The following TRHDE variants were observed in gnomAD, a reference collection of about 807,000 sequenced individuals.
The protein encoded by TRHDE is thyrotropin-releasing hormone-degrading ectoenzyme.
TRHDE carries 72 observed loss-of-function variants against 125.7 expected under a neutral mutation model. The observed-to-expected ratio is 0.57, with a 90% CI of 0.47 to 0.70. TRHDE has a LOEUF of 0.70. Ranked by LOEUF, TRHDE falls within the 30% of genes least tolerant of loss-of-function variation. The pLI is 0.00. For synonymous variants in TRHDE, 509 were observed against 509.1 expected (o/e 1.00, Z 0.00); for missense variants, 1,110 against 1,327.1 (o/e 0.84, Z 2.54).
At chr12:72,330,330 T>TTA in intron 2 of TRHDE, among the ~76,000 whole-genome samples, 1 of 137,488 alleles carries the variant, frequency 7.3e-6, no homozygotes, top group South Asian at 2.3e-4. Flanking sequence ...CAAAGAAAAG[T>TTA]AAAAAAAAAA....
intron 2 of TRHDE, among the ~76,000 whole-genome samples, chr12:72,179,970 T>G (rs1162453064): frequency 2.0e-5 from 3 of 152,022 alleles, no homozygotes; most frequent in Non-Finnish European, 4.4e-5. Flanking sequence ...GTGCTATCCA[T>G]GTAGCACATG....
chr12:72,595,398 A>G (rs1871894896), intron 12 of TRHDE, among the ~76,000 whole-genome samples: 1 of 152,094 alleles, frequency 6.6e-6, no homozygotes, highest in Admixed American at 6.5e-5. Flanking sequence ...GAATGATTGT[A>G]AATACGTTTA....
intron 3 of TRHDE, among the ~76,000 whole-genome samples, chr12:72,398,492 T>A (rs763469971): frequency 5.9e-5 from 9 of 152,214 alleles, no homozygotes; most frequent in Non-Finnish European, 1.3e-4. Context: ...TTTATTCAAT[T>A]GAAAGTTTCA....
intron 2 of TRHDE, among the ~76,000 whole-genome samples, chr12:72,151,778 A>G (rs1342469052): frequency 6.6e-6 from 1 of 152,168 alleles, no homozygotes; most frequent in African/African-American, 2.4e-5. Context: ...TACCAGTACC[A>G]TGCTGTTTTG....
intron 5 of TRHDE, among the ~76,000 whole-genome samples, chr12:72,474,899 T>G (rs1876820051): frequency 6.6e-6 from 1 of 152,180 alleles, no homozygotes; most frequent in Non-Finnish European, 1.5e-5. Flanking sequence ...AATGTGAAGA[T>G]AGTAATACCA....
Position 72,289,382 on chromosome 12 carries a change from T to TA in TRHDE, c.1188+2437dup, listed in dbSNP as rs935615702. ...CACTATTCTAAGTAATTAGAAAGATTAAAAAAAAATCTAAAATCCTTCTGG... is the reference window on the plus strand; with the variant it reads ...CACTATTCTAAGTAATTAGAAAGATTAAAAAAAAAATCTAAAATCCTTCTGG... On this transcript the variant is annotated intron_variant, in intron 2 of 18. Transcript: ENST00000261180. Among the ~76,000 whole-genome samples, 12 of 151,810 alleles carry TA rather than the reference T, an allele frequency of 7.9e-5. 1 individual carries two copies. Among genetic ancestry groups the TA allele is most frequent in the South Asian group, 6.3e-4 (3 of 4,800 alleles).
chr12:72,616,981 A>T (rs1872841488), intron 12 of TRHDE, among the ~76,000 whole-genome samples: 2 of 152,140 alleles, frequency 1.3e-5, no homozygotes, highest in Admixed American at 1.3e-4. Flanking sequence ...TTTAATAAAA[A>T]ATTGTATTAC....
At chr12:72,239,092 CGAGA>C (rs1422422487) in intron 2 of TRHDE, among the ~76,000 whole-genome samples, 1 of 152,054 alleles carries the variant, frequency 6.6e-6, no homozygotes, top group Admixed American at 6.6e-5. Flanking sequence ...TTCTAACTGG[CGAGA>C]GATGGTATCT....
Position 72,273,546 on chromosome 12 carries a change from C to T in TRHDE, c.903C>T (p.His301=). 1 of 1,597,214 alleles carries T rather than the reference C, an allele frequency of 6.3e-7. No individual in the cohort carries two copies. Among genetic ancestry groups the T allele is most frequent in the Non-Finnish European group, 8.5e-7 (1 of 1,176,372 alleles). ...LGFFRSSYVL[H]GERRFLGVTQ... ...TCTTCCGCAGCTCCTATGTGCTCCACGGGGAGAGAAGGTATGGAGGGAGGC... is the reference window on the plus strand; with the variant it reads ...TCTTCCGCAGCTCCTATGTGCTCCATGGGGAGAGAAGGTATGGAGGGAGGC... Residue 301 remains histidine, a synonymous_variant, in exon 1 of 19, where the codon CAC becomes CAT. Coordinates refer to ENST00000261180, the MANE Select transcript of TRHDE (RefSeq NM_013381.3). This position sits in a 1 kb window ranked among gnomAD's most constrained non-coding sequence, Gnocchi z 5.3.
intron 2 of TRHDE, among the ~76,000 whole-genome samples, chr12:72,374,292 AGTGTGTGTGTGTGTGTGT>A (rs148577049): frequency 5.2e-5 from 7 of 134,018 alleles, no homozygotes; most frequent in Non-Finnish European, 9.5e-5. Context: ...TAGAAGGAGA[AGTGTGTGTGTGTGTGTGT>A]GTGTGTGTGT....
At chr12:72,415,469 C>A (rs1873692285) in intron 3 of TRHDE, among the ~76,000 whole-genome samples, 1 of 151,912 alleles carries the variant, frequency 6.6e-6, no homozygotes, top group Admixed American at 6.6e-5. Context: ...AACACTAGAT[C>A]TTATACCTTC....
chr12:72,599,690 C>T (rs1228015147), intron 12 of TRHDE, among the ~76,000 whole-genome samples: 3 of 152,042 alleles, frequency 2.0e-5, no homozygotes, highest in Non-Finnish European at 2.9e-5. Context: ...TTGATAATCT[C>T]TTTTGCTGTG....
intron 17 of TRHDE, among the ~76,000 whole-genome samples, chr12:72,654,336 G>A (rs969305591): frequency 2.0e-5 from 3 of 152,052 alleles, no homozygotes; most frequent in Admixed American, 2.0e-4. Context: ...CTAAAAATAC[G>A]ATGGTGTTTA....
chr12:72,474,445 A>G (rs1339708897), intron 5 of TRHDE, among the ~76,000 whole-genome samples: 1 of 151,992 alleles, frequency 6.6e-6, no homozygotes, highest in Non-Finnish European at 1.5e-5. Context: ...TCCTCCCCCA[A>G]GCCTCTGGCA....
At chr12:72,605,296 T>A (rs1465235165) in intron 12 of TRHDE, among the ~76,000 whole-genome samples, 2 of 152,156 alleles carry the variant, frequency 1.3e-5, no homozygotes, top group Admixed American at 6.5e-5. Context: ...ATTCTGAAAC[T>A]CTTTGTAGGT....
At chr12:72,281,347 A>G (rs1419604306) in intron 1 of TRHDE, among the ~76,000 whole-genome samples, 1 of 152,162 alleles carries the variant, frequency 6.6e-6, no homozygotes, top group African/African-American at 2.4e-5. Flanking sequence ...TCGAGTAACA[A>G]TTTGCATTTT....
At chr12:72,246,216 A>G (rs1286588429) in intron 2 of TRHDE, among the ~76,000 whole-genome samples, 1 of 151,278 alleles carries the variant, frequency 6.6e-6, no homozygotes, top group Non-Finnish European at 1.5e-5. Flanking sequence ...AACAATGAAA[A>G]AAAATTTCCC....
intron 2 of TRHDE, among the ~76,000 whole-genome samples, chr12:72,262,382 T>A (rs899134660): frequency 6.6e-6 from 1 of 152,146 alleles, no homozygotes; most frequent in Admixed American, 6.6e-5. Context: ...AACAGAAAGC[T>A]ACTATAGGTA....
intron 3 of TRHDE, among the ~76,000 whole-genome samples, chr12:72,464,580 C>A (rs571566016): frequency 1.1e-4 from 16 of 152,164 alleles, no homozygotes; most frequent in African/African-American, 7.2e-5. Flanking sequence ...GATGTAAATC[C>A]TGGAAACTTT....
Sources: gnomAD v4.1 joint callset for allele counts (sites outside exome capture counted in the v4.1 genomes callset) on GRCh38, gnomAD v4.1.1 for gene constraint, Gnocchi (gnomAD v3.1) non-coding constraint, MANE v1.5 for transcripts, NCBI Gene and HGNC (gene_info 2026-07-23, HGNC 2026-07-21) for gene names.